PLCB1: variants seen among roughly 807,000 people sequenced by gnomAD.
PLCB1 encodes the protein 1-phosphatidylinositol 4,5-bisphosphate phosphodiesterase beta-1.
In PLCB1, 46 loss-of-function variants were observed where a neutral mutation model predicts 161.8. The ratio of observed to expected loss-of-function variants is 0.28; its 90% confidence interval spans 0.22 to 0.36. The LOEUF (loss-of-function observed/expected upper bound fraction) is 0.36. Among genes scored for constraint, PLCB1 ranks in the 10% least tolerant of loss-of-function variants. The probability of loss-of-function intolerance (pLI) is 1.00; values close to 1 mark genes in which losing one functional copy is unlikely to be tolerated. For synonymous variants in PLCB1, 517 were observed against 503.7 expected, an observed-to-expected ratio of 1.03 and a Z score of -0.35; for missense variants, 1,016 against 1,472.5, an observed-to-expected ratio of 0.69 and a Z score of 5.07.
At chr20:8,137,332 C>T (rs917893459) in intron 1 of PLCB1, among the ~76,000 whole-genome samples, 13 of 152,150 alleles carry the variant, frequency 8.5e-5, no homozygotes, top group Non-Finnish European at 1.2e-4. Flanking sequence ...TAGTAGCGTT[C>T]ACTTTGGAAA....
At chr20:8,643,108 T>C (rs1285634801) in intron 4 of PLCB1, among the ~76,000 whole-genome samples, 1 of 152,236 alleles carries the variant, frequency 6.6e-6, no homozygotes, top group Non-Finnish European at 1.5e-5. Context: ...TACTGTCTTT[T>C]TAAGTCCTCC....
intron 2 of PLCB1, among the ~76,000 whole-genome samples, chr20:8,346,132 A>T (rs1985993491): frequency 6.6e-6 from 1 of 152,228 alleles, no homozygotes; most frequent in Non-Finnish European, 1.5e-5. Flanking sequence ...ATTGCCAGAC[A>T]AGGTGAAGAT....
chr20:8,210,302 G>A (rs1978754698), intron 2 of PLCB1, among the ~76,000 whole-genome samples: 1 of 152,000 alleles, frequency 6.6e-6, no homozygotes, highest in Non-Finnish European at 1.5e-5. Context: ...TAAATGGGTG[G>A]TAATGGAAGT....
At chr20:8,554,579 C>G (rs554719018) in intron 3 of PLCB1, among the ~76,000 whole-genome samples, 12 of 152,046 alleles carry the variant, frequency 7.9e-5, no homozygotes, top group Admixed American at 7.2e-4. Context: ...GTGATAGAAA[C>G]CAGAATAGTA....
chr20:8,593,754 A>G (rs1233895804), intron 3 of PLCB1, among the ~76,000 whole-genome samples: 1 of 152,096 alleles, frequency 6.6e-6, no homozygotes, highest in African/African-American at 2.4e-5. Flanking sequence ...ATCATTTTAT[A>G]TACCAGGAAT....
At chr20:8,814,577 ATGTGTGTGTGTGTG>A (rs10670728) in intron 31 of PLCB1, among the ~76,000 whole-genome samples, 1 of 145,200 alleles carries the variant, frequency 6.9e-6, no homozygotes, top group Admixed American at 7.0e-5. Flanking sequence ...ATGTACTTGC[ATGTGTGTGTGTGTG>A]TGTGTGTGTG....
intron 2 of PLCB1, among the ~76,000 whole-genome samples, chr20:8,284,432 T>G (rs1983017118): frequency 6.6e-6 from 1 of 152,138 alleles, no homozygotes; most frequent in Non-Finnish European, 1.5e-5. Context: ...TGGCCTGAGT[T>G]TTATTTCTTT....
At chr20:8,157,215 T>G (rs921656586) in intron 2 of PLCB1, among the ~76,000 whole-genome samples, 1 of 152,344 alleles carries the variant, frequency 6.6e-6, no homozygotes. Context: ...AGGTGAAAGT[T>G]TCTTGGACCC....
At chr20:8,166,521 T>G (rs950801947) in intron 2 of PLCB1, among the ~76,000 whole-genome samples, 6 of 152,176 alleles carry the variant, frequency 3.9e-5, no homozygotes, top group Non-Finnish European at 7.3e-5. Flanking sequence ...CACTTAAAAC[T>G]TATTTTACCA....
At chr20:8,426,973 A>C (rs1352364678) in intron 3 of PLCB1, among the ~76,000 whole-genome samples, 1 of 152,144 alleles carries the variant, frequency 6.6e-6, no homozygotes, top group African/African-American at 2.4e-5. Flanking sequence ...GCTGGAGTGC[A>C]GTGTCGTGAT....
rs140933582 is a variant in PLCB1, at chr20:8,840,504, A to T, written c.3424-41118A>T. Among the ~76,000 whole-genome samples, 16 of 152,318 alleles carry T rather than the reference A, an allele frequency of 1.1e-4. No homozygotes were observed. In the East Asian group the frequency reaches 3.1e-3, roughly 29 times the overall value. On this transcript the variant is annotated intron_variant, in intron 31 of 31. Coordinates refer to ENST00000338037, the MANE Select transcript of PLCB1 (RefSeq NM_015192.4). The stretch of plus-strand genomic sequence containing the variant: ...AAAACAATGAGTTAGGTCTTGCAGG[A>T]TGCCTGGCAAAGGTGGGACGTCTGT...
chr20:8,288,687 T>C (rs1210106674), intron 2 of PLCB1, among the ~76,000 whole-genome samples: 2 of 152,066 alleles, frequency 1.3e-5, no homozygotes, highest in Non-Finnish European at 2.9e-5. Flanking sequence ...GTGCCAGCTG[T>C]TAGCAGCTGA....
chr20:8,810,247 A>C (rs564920751), intron 31 of PLCB1, among the ~76,000 whole-genome samples: 23 of 152,114 alleles, frequency 1.5e-4, no homozygotes, highest in Non-Finnish European at 2.6e-4. Flanking sequence ...GAGGTTTAAA[A>C]TTCAAGGCTC....
intron 25 of PLCB1, among the ~76,000 whole-genome samples, chr20:8,763,434 G>A (rs1982149199): frequency 6.6e-6 from 1 of 151,946 alleles, no homozygotes. Flanking sequence ...CACCCAGGCT[G>A]GAGTGCAGTG....
intron 3 of PLCB1, among the ~76,000 whole-genome samples, chr20:8,415,728 A>T (rs951093132): frequency 1.3e-5 from 2 of 152,222 alleles, no homozygotes; most frequent in Non-Finnish European, 2.9e-5. Context: ...GACATGGTGT[A>T]GGACACCAAC....
intron 2 of PLCB1, among the ~76,000 whole-genome samples, chr20:8,359,565 A>G (rs1259615998): frequency 6.6e-6 from 1 of 152,158 alleles, no homozygotes; most frequent in African/African-American, 2.4e-5. Context: ...TTTCTTTTTT[A>G]AAATCAGGCA....
intron 3 of PLCB1, among the ~76,000 whole-genome samples, chr20:8,577,845 T>G (rs974988980): frequency 2.0e-5 from 3 of 152,216 alleles, no homozygotes; most frequent in African/African-American, 7.2e-5. Context: ...GCACTTATAA[T>G]GCTTCCCATA....
At chr20:8,391,021 CATT>C (rs775274407) in intron 3 of PLCB1, among the ~76,000 whole-genome samples, 9 of 151,644 alleles carry the variant, frequency 5.9e-5, no homozygotes, top group South Asian at 2.1e-4. Context: ...ATTTTGCCAT[CATT>C]ATTAAGTAAA....
chr20:8,274,167 CCA>C (rs199978956), intron 2 of PLCB1, among the ~76,000 whole-genome samples: 1 of 151,770 alleles, frequency 6.6e-6, no homozygotes, highest in African/African-American at 2.4e-5. Flanking sequence ...TGTTTTTGCA[CCA>C]CACACACACA....
Sources: gnomAD v4.1 joint callset for allele counts (sites outside exome capture counted in the v4.1 genomes callset) on GRCh38, gnomAD v4.1.1 for gene constraint, MANE v1.5 for transcripts, NCBI Gene and HGNC (gene_info 2026-07-23, HGNC 2026-07-21) for gene names.